The following COMMD1 variants were observed in gnomAD, a reference collection of about 807,000 sequenced individuals.
COMMD1 encodes the protein COMM domain-containing protein 1.
In COMMD1, 10 loss-of-function variants were observed where a neutral mutation model predicts 17.2. That is an observed-to-expected ratio of 0.58 (90% CI 0.36 to 0.99). The LOEUF is 0.99. Ranked by LOEUF, COMMD1 falls within the 50% of genes least tolerant of loss-of-function variation. The pLI is 0.01. For missense variants in COMMD1, 270 were observed against 231.8 expected, an observed-to-expected ratio of 1.17 and a Z score of -1.07; for synonymous variants, 97 against 91.6, an observed-to-expected ratio of 1.06 and a Z score of -0.34.
rs1671907324 is a variant in COMMD1, at chr2:62,093,625, A to G, written c.463-42206A>G. On this transcript the variant is annotated intron_variant, in intron 2 of 2. Coordinates refer to ENST00000311832, the MANE Select transcript of COMMD1 (RefSeq NM_152516.4). ...GGTACATTGCCGTACAGGACAGGCC[A>G]TCTTTCCTAGGGCAGCATTCTTTGC... Among the ~76,000 whole-genome samples the G allele has an allele frequency of 2.6e-5, 4 of 152,218 alleles. No homozygotes were observed. The South Asian group carries it at 6.2e-4, about 24-fold the overall frequency.
chr2:62,055,260 T>C (rs1388024030), intron 2 of COMMD1, among the ~76,000 whole-genome samples: 1 of 152,154 alleles, frequency 6.6e-6, no homozygotes, highest in East Asian at 1.9e-4. Context: ...CACTGTGCAC[T>C]TGTCTCACTG....
intron 2 of COMMD1, among the ~76,000 whole-genome samples, chr2:62,128,656 T>G (rs1227229215): frequency 6.6e-6 from 1 of 151,858 alleles, no homozygotes; most frequent in Non-Finnish European, 1.5e-5. Context: ...AGTGCTACCA[T>G]ATAAGATATT....
chr2:62,032,012 T>C lies in COMMD1; in HGVS notation c.462+31030T>C, dbSNP rs563897919. Among the ~76,000 whole-genome samples, 21 of 152,322 alleles carry C rather than the reference T, an allele frequency of 1.4e-4. 1 individual carries two copies. The South Asian group carries it at 2.3e-3, about 17-fold the overall frequency. On this transcript the variant is annotated intron_variant, in intron 2 of 2. Coordinates refer to ENST00000311832, the MANE Select transcript of COMMD1 (RefSeq NM_152516.4). ...TTGTCTTTATATGCCTTTAACACTT[T>C]AGTATGTATAACACAATCTAACACT...
chr2:62,000,706 T>C lies in COMMD1; in HGVS notation c.186T>C (p.Ile62=). 6.2e-7 allele frequency: 1 copy of C among 1,614,128 alleles called. No homozygotes were observed. The highest frequency in any genetic ancestry group is 8.5e-7 in the Non-Finnish European group (1 of 1,180,028). The change falls in exon 2 of 3, where the codon ATT becomes ATC. Residue 62 remains isoleucine (I), a synonymous_variant. Transcript: ENST00000311832. The stretch of plus-strand genomic sequence containing the variant: ...TTTTTCTGTCATCTTTATAGTCTAT[T>C]GCGTCTGCAGACATGGATTTCAACC... ...LAKMRGILKS[I]ASADMDFNQL... is the part of the protein sequence containing the mutation.
At chr2:62,048,922 G>T (rs1227830162) in intron 2 of COMMD1, among the ~76,000 whole-genome samples, 1 of 151,976 alleles carries the variant, frequency 6.6e-6, no homozygotes, top group Non-Finnish European at 1.5e-5. Flanking sequence ...CCTTTACTGT[G>T]CCTCCTGTTA....
At position 61,899,106 on chromosome 2, in the gene COMMD1, T is replaced by A. The variant is rs185777571; in HGVS notation, n.119+10264T>A. 3.9e-5 allele frequency among the ~76,000 whole-genome samples: 6 copies of A among 152,298 alleles called. No individual in the cohort carries two copies. In the East Asian group the frequency reaches 1.2e-3, roughly 29 times the overall value. On this transcript the variant is annotated intron_variant and non_coding_transcript_variant, in intron 1 of 2. Coordinates refer to the COMMD1 transcript ENST00000472729. ...TCCAGTGATATGTGGCAGAATATGC[T>A]ATCCCAAAATATGCCACTTTGGCAT...
intron 2 of COMMD1, among the ~76,000 whole-genome samples, chr2:62,049,121 A>C (rs1670466675): frequency 6.6e-6 from 1 of 152,104 alleles, no homozygotes; most frequent in African/African-American, 2.4e-5. Context: ...TTAATTGCCC[A>C]ATACTAAGGA....
At chr2:61,959,749 G>A (rs1053105597) in intron 1 of COMMD1, among the ~76,000 whole-genome samples, 2 of 152,150 alleles carry the variant, frequency 1.3e-5, no homozygotes, top group African/African-American at 2.4e-5. Flanking sequence ...AATTAACGCC[G>A]TGACAAATGA....
intron 1 of COMMD1, among the ~76,000 whole-genome samples, chr2:61,976,711 T>A (rs757943632): frequency 5.7e-4 from 87 of 152,112 alleles, no homozygotes; most frequent in Non-Finnish European, 6.6e-4. Context: ...AAGGGAGAGA[T>A]GAAGAGGTGG....
chr2:62,096,149 TGTAA>T (rs1672003439), intron 2 of COMMD1, among the ~76,000 whole-genome samples: 1 of 152,116 alleles, frequency 6.6e-6, no homozygotes, highest in Admixed American at 6.6e-5. Flanking sequence ...AAGAAAGCTA[TGTAA>T]GTATTTTGCT....
chr2:61,894,251 G>T (rs1023631569), intron 1 of COMMD1, among the ~76,000 whole-genome samples: 1 of 152,058 alleles, frequency 6.6e-6, no homozygotes, highest in South Asian at 2.1e-4. Flanking sequence ...CTACAGTATC[G>T]TGCAACTACA....
At chr2:61,939,146 A>C (rs1670672721) in intron 1 of COMMD1, among the ~76,000 whole-genome samples, 2 of 152,042 alleles carry the variant, frequency 1.3e-5, no homozygotes, top group African/African-American at 4.8e-5. Flanking sequence ...TTATTCACAT[A>C]AAGTGCAGCA....
At chr2:61,892,891 G>A (rs1011570993) in intron 1 of COMMD1, among the ~76,000 whole-genome samples, 3 of 151,502 alleles carry the variant, frequency 2.0e-5, no homozygotes, top group African/African-American at 4.9e-5. Context: ...CCCCTGAAAC[G>A]GAGTCTCGCT....
intron 1 of COMMD1, among the ~76,000 whole-genome samples, chr2:61,918,069 G>C (rs1267599011): frequency 1.3e-5 from 2 of 152,136 alleles, no homozygotes; most frequent in African/African-American, 4.8e-5. Context: ...CCAATGCACT[G>C]ATAAAGTATG....
At chr2:61,913,764 C>G (rs1456333922) in intron 1 of COMMD1, among the ~76,000 whole-genome samples, 5 of 142,314 alleles carry the variant, frequency 3.5e-5, no homozygotes, top group Non-Finnish European at 7.5e-5. Context: ...CCACTGCACT[C>G]CAGCCTGGGC....
rs370179614 is a variant in COMMD1, at chr2:61,947,409, G to A, written c.180+41551G>A. On this transcript the variant is annotated intron_variant, in intron 1 of 2. Transcript: ENST00000311832. ...AAAAATTTGTACTTTTAGGCCAGGC[G>A]CGGTGGCTTATGCCTGTAATCCCAG... Among the ~76,000 whole-genome samples the A allele has an allele frequency of 8.5e-5, 13 of 152,086 alleles. No homozygotes were observed. The East Asian group carries it at 1.7e-3, about 20-fold the overall frequency.
chr2:61,958,388 T>TC (rs1351288672), intron 1 of COMMD1, among the ~76,000 whole-genome samples: 1 of 151,722 alleles, frequency 6.6e-6, no homozygotes, highest in Non-Finnish European at 1.5e-5. Flanking sequence ...TGCCTCAGCC[T>TC]CCCGAGTAGC....
intron 1 of COMMD1, among the ~76,000 whole-genome samples, chr2:61,983,959 G>A (rs1208896398): frequency 1.3e-5 from 2 of 152,058 alleles, no homozygotes; most frequent in Non-Finnish European, 1.5e-5. Flanking sequence ...TTTTGACATG[G>A]GGACTTATAG....
At chr2:62,110,543 G>A (rs920098998) in intron 2 of COMMD1, among the ~76,000 whole-genome samples, 1 of 152,106 alleles carries the variant, frequency 6.6e-6, no homozygotes, top group African/African-American at 2.4e-5. Flanking sequence ...CTGACATCCC[G>A]TTTCTCCTTG....
Sources: gnomAD v4.1 joint callset for allele counts (sites outside exome capture counted in the v4.1 genomes callset) on GRCh38, gnomAD v4.1.1 for gene constraint, MANE v1.5 for transcripts, NCBI Gene and HGNC (gene_info 2026-07-23, HGNC 2026-07-21) for gene names.